The following KDM7A variants were observed in gnomAD, a reference collection of about 807,000 sequenced individuals.
KDM7A encodes lysine-specific demethylase 7A.
A neutral mutation model predicts 114.8 loss-of-function variants in KDM7A; 28 were observed. The observed-to-expected ratio is 0.24, with a 90% confidence interval of 0.18 to 0.33. The LOEUF (loss-of-function observed/expected upper bound fraction) is 0.33. Ranked by LOEUF, KDM7A falls within the 10% of genes least tolerant of loss-of-function variation. KDM7A has a pLI of 1.00. For missense variants in KDM7A, 942 were observed against 1,142.5 expected (o/e 0.82, Z 2.53); for synonymous variants, 423 against 397.8 (o/e 1.06, Z -0.75).
chr7:140,160,458 C>G (rs1334523731), intron 1 of KDM7A, among the ~76,000 whole-genome samples: 1 of 152,178 alleles, frequency 6.6e-6, no homozygotes, highest in Non-Finnish European at 1.5e-5. Flanking sequence ...AGGGGTAGGG[C>G]TGCAAAACAA....
At position 140,159,955 on chromosome 7, in the gene KDM7A, A is replaced by AC. The variant is rs910051760; in HGVS notation, c.194+16788_194+16789insG. The stretch of plus-strand genomic sequence containing the variant: ...ATCCTTGACTTCCATTAAAAAAAAA[A>AC]AAAAAAAAAACCTGTACCCTTTCTC... On this transcript the variant is annotated intron_variant, in intron 1 of 19. Coordinates refer to ENST00000397560, the MANE Select transcript of KDM7A (RefSeq NM_030647.2). 2.2e-4 allele frequency among the ~76,000 whole-genome samples: 34 copies of AC among 151,840 alleles called. No homozygotes were observed. In the East Asian group the frequency reaches 6.2e-3, roughly 28 times the overall value.
At chr7:140,166,686 T>C (rs990778550) in intron 1 of KDM7A, among the ~76,000 whole-genome samples, 4 of 152,142 alleles carry the variant, frequency 2.6e-5, no homozygotes, top group African/African-American at 9.7e-5. Flanking sequence ...GTATCTTCCT[T>C]AATGAGGAAA....
chr7:140,166,926 A>G (rs934754445), intron 1 of KDM7A, among the ~76,000 whole-genome samples: 11 of 152,340 alleles, frequency 7.2e-5, no homozygotes, highest in African/African-American at 2.6e-4. Flanking sequence ...GTAGAATATA[A>G]AAGTAACATT....
chr7:140,100,681 CATATATACATATATATAT>C (rs1818191851), intron 12 of KDM7A, among the ~76,000 whole-genome samples: 2 of 44,364 alleles, frequency 4.5e-5, no homozygotes, highest in South Asian at 6.2e-4. Flanking sequence ...TATATATATA[CATATATACATATATATAT>C]ATATATATAC....
chr7:140,158,589 T>C (rs1794484252), intron 1 of KDM7A, among the ~76,000 whole-genome samples: 1 of 152,202 alleles, frequency 6.6e-6, no homozygotes, highest in African/African-American at 2.4e-5. Flanking sequence ...CAAGTGGAGA[T>C]ATAAAGTTGG....
chr7:140,109,543 T>C (rs779195590), intron 11 of KDM7A, among the ~76,000 whole-genome samples: 3 of 152,234 alleles, frequency 2.0e-5, no homozygotes, highest in Non-Finnish European at 2.9e-5. Flanking sequence ...GCTATAAACG[T>C]AGGTGTACAA....
intron 1 of KDM7A, among the ~76,000 whole-genome samples, chr7:140,151,855 T>C (rs1296037133): frequency 6.6e-6 from 1 of 152,176 alleles, no homozygotes; most frequent in African/African-American, 2.4e-5. Context: ...TTATTTCCCA[T>C]TGCAAGTACA....
At chr7:140,138,968 G>A in intron 2 of KDM7A, 137 bp downstream of exon 2, 2 of 533,756 alleles carry the variant, frequency 3.7e-6, no homozygotes, top group Non-Finnish European at 6.6e-6. Context: ...AATACCTTGA[G>A]CAAAATCTTT....
At chr7:140,147,923 G>A (rs1282735158) in intron 1 of KDM7A, among the ~76,000 whole-genome samples, 1 of 152,194 alleles carries the variant, frequency 6.6e-6, no homozygotes, top group East Asian at 1.9e-4. Context: ...TCTGCCTGAG[G>A]AGCAGGCGTT....
rs968850347 is a variant in KDM7A, at chr7:140,169,965, C to A, written c.194+6779G>T. On this transcript the variant is annotated intron_variant, in intron 1 of 19. Transcript: ENST00000397560. ...ATAAAACTCTTATAAGTGAAACACACAAATACTCATTATTCTATAATAAAC... is the reference window on the plus strand; with the variant it reads ...ATAAAACTCTTATAAGTGAAACACAAAAATACTCATTATTCTATAATAAAC... 3.3e-5 allele frequency among the ~76,000 whole-genome samples: 5 copies of A among 152,082 alleles called. No individual in the cohort carries two copies. In the East Asian group the frequency reaches 9.6e-4, roughly 29 times the overall value.
At chr7:140,174,571 A>T (rs1306533161) in intron 1 of KDM7A, among the ~76,000 whole-genome samples, 1 of 152,208 alleles carries the variant, frequency 6.6e-6, no homozygotes, top group Non-Finnish European at 1.5e-5. Flanking sequence ...TTGGTAGCCT[A>T]TCAAATCCGC....
rs1236683403 is a variant in KDM7A at position 140,176,925 on chromosome 7, C to G, written c.13G>C (p.Ala5Pro). MAGA[A>P]AAVAAGAAAG... is the part of the protein sequence containing the mutation. ...GCTGCTCCCGCGGCCACCGCCGCCG[C>G]CGCTCCGGCCATCTTTAAAAAACAC... Residue 5 changes from alanine (A) to proline (P), a missense_variant, in exon 1 of 20, where the codon GCG becomes CCG. Coordinates refer to ENST00000397560, the MANE Select transcript of KDM7A (RefSeq NM_030647.2). The surrounding 1 kb of genome is among the most constrained non-coding windows in gnomAD (Gnocchi z 4.4). The G allele has an allele frequency of 2.0e-5, 23 of 1,162,270 alleles. No individual in the cohort carries two copies. Among genetic ancestry groups the G allele is most frequent in the Non-Finnish European group, 2.5e-5 (23 of 937,992 alleles). The allele number at this position is 1,162,270 out of a possible 1,614,324, so 72.0% of individuals were successfully genotyped here.
intron 1 of KDM7A, among the ~76,000 whole-genome samples, chr7:140,148,491 C>T (rs1794366365): frequency 6.6e-6 from 1 of 152,018 alleles, no homozygotes; most frequent in South Asian, 2.1e-4. Context: ...ACATAAAATG[C>T]TTAGAATGAA....
At chr7:140,130,657 A>G (rs1386851983) in intron 3 of KDM7A, among the ~76,000 whole-genome samples, 1 of 152,000 alleles carries the variant, frequency 6.6e-6, no homozygotes. Context: ...AACAAAAACG[A>G]GTCAGATTTT....
At chr7:140,157,337 C>G (rs1016592620) in intron 1 of KDM7A, among the ~76,000 whole-genome samples, 5 of 152,206 alleles carry the variant, frequency 3.3e-5, no homozygotes, top group African/African-American at 1.2e-4. Flanking sequence ...TACCATGAAT[C>G]TCTTATGAGA....
intron 11 of KDM7A, among the ~76,000 whole-genome samples, chr7:140,110,317 T>TA (rs1355196521): frequency 3.3e-5 from 5 of 152,234 alleles, no homozygotes; most frequent in Non-Finnish European, 2.9e-5. Flanking sequence ...TAAATCAATT[T>TA]AAATGTGATT....
intron 2 of KDM7A, among the ~76,000 whole-genome samples, chr7:140,136,765 G>A (rs560345523): frequency 2.6e-5 from 4 of 152,172 alleles, no homozygotes; most frequent in Non-Finnish European, 5.9e-5. Flanking sequence ...TGTAATCTCA[G>A]CACTTTGAGA....
chr7:140,167,645 C>G (rs1794593205), intron 1 of KDM7A, among the ~76,000 whole-genome samples: 1 of 151,614 alleles, frequency 6.6e-6, no homozygotes, highest in Non-Finnish European at 1.5e-5. Flanking sequence ...CATTTAGAAG[C>G]TTAAAAAATA....
intron 11 of KDM7A, among the ~76,000 whole-genome samples, chr7:140,103,946 A>G (rs1284135406): frequency 6.6e-6 from 1 of 152,088 alleles, no homozygotes; most frequent in African/African-American, 2.4e-5. Context: ...AAGTGTTCCT[A>G]TTTCTCCACA....
Sources: gnomAD v4.1 joint callset for allele counts (sites outside exome capture counted in the v4.1 genomes callset) on GRCh38, gnomAD v4.1.1 for gene constraint, Gnocchi (gnomAD v3.1) non-coding constraint, MANE v1.5 for transcripts, NCBI Gene and HGNC (gene_info 2026-07-23, HGNC 2026-07-21) for gene names.